CD36: variants seen among roughly 807,000 people sequenced by gnomAD.
CD36 encodes the protein CD36 molecule (CD36 blood group).
In CD36, 119 loss-of-function variants were observed where a neutral mutation model predicts 55.2. The observed-to-expected ratio is 2.15, with a 90% CI of 1.86 to 2.51. The LOEUF is 2.51. Among genes scored for constraint, CD36 ranks in the 30% most tolerant of loss-of-function variants. The probability of loss-of-function intolerance (pLI) is 0.00; values close to 1 mark genes in which losing one functional copy is unlikely to be tolerated. For missense variants in CD36, 819 were observed against 555.5 expected, an observed-to-expected ratio of 1.47 and a Z score of -4.77; for synonymous variants, 186 against 193.6, an observed-to-expected ratio of 0.96 and a Z score of 0.33.
intron 1 of CD36, among the ~76,000 whole-genome samples, chr7:80,622,142 A>T (rs1264827081): frequency 2.0e-5 from 3 of 152,066 alleles, no homozygotes; most frequent in African/African-American, 7.2e-5. Context: ...AGGTGGGGGG[A>T]CCACCCCTGC....
At chr7:80,624,349 C>T (rs757127869) in intron 1 of CD36, among the ~76,000 whole-genome samples, 14 of 151,864 alleles carry the variant, frequency 9.2e-5, no homozygotes, top group African/African-American at 2.9e-4. Flanking sequence ...TCTCTCAGGG[C>T]GTAGAATTTA....
rs541494694 is a variant in CD36, at chr7:80,648,856, AG to A, written c.120+1997del. On this transcript the variant is annotated intron_variant, in intron 3 of 14. Coordinates refer to ENST00000447544, the MANE Select transcript of CD36 (RefSeq NM_001001548.3). Reference sequence around the variant, plus strand: ...TAACCATATTAAAGGACTGATTGATAGTATGAAAAACCCTGTGAAAATGCTA... The same window carrying A: ...TAACCATATTAAAGGACTGATTGATATATGAAAAACCCTGTGAAAATGCTA... Among the ~76,000 whole-genome samples the A allele has an allele frequency of 3.2e-4, 48 of 152,250 alleles. 1 individual carries two copies. The South Asian group carries it at 9.9e-3, about 32-fold the overall frequency.
At chr7:80,637,042 A>AT (rs1425343338), upstream of CD36, 3 of 152,114 alleles carry the variant, frequency 2.0e-5, no homozygotes, top group East Asian at 1.9e-4. Context: ...TTTTGCATGT[A>AT]TTTTTTCTGA....
chr7:80,622,851 G>C (rs1793543689), intron 1 of CD36, among the ~76,000 whole-genome samples: 1 of 152,108 alleles, frequency 6.6e-6, no homozygotes, highest in South Asian at 2.1e-4. Context: ...AAACTACCTA[G>C]CAACACTTAA....
intron 7 of CD36, 96 bp from the exon 8 acceptor site, chr7:80,666,347 A>AAG (rs1202418341): frequency 1.2e-6 from 1 of 805,020 alleles, no homozygotes; most frequent in Non-Finnish European, 2.1e-6. Context: ...TAAATGCATC[A>AAG]TATTAACAGA....
intron 1 of CD36, among the ~76,000 whole-genome samples, chr7:80,604,068 T>C (rs188438897): frequency 2.3e-4 from 35 of 152,134 alleles, no homozygotes; most frequent in Non-Finnish European, 4.6e-4. Flanking sequence ...TTGTGAAGTG[T>C]GTGCAACGCG....
rs3823475 is a variant in CD36 at position 80,650,437 on chromosome 7, T to C, written c.120+3577T>C. Among the ~76,000 whole-genome samples the C allele has an allele frequency of 8.0e-3, 1,224 of 152,106 alleles. 62 individuals carry two copies. In the East Asian group the frequency reaches 0.1, roughly 13 times the overall value. On this transcript the variant is annotated intron_variant, in intron 3 of 14. Transcript: ENST00000447544. Reference sequence around the variant, plus strand: ...TCTTTGGCATAGAGTAGGAGTCAAATATTTGAATTTTGTGTAAACCTAGAG... The same window carrying C: ...TCTTTGGCATAGAGTAGGAGTCAAACATTTGAATTTTGTGTAAACCTAGAG...
At chr7:80,675,625 G>T (rs1014830494) in intron 14 of CD36, among the ~76,000 whole-genome samples, 1 of 151,862 alleles carries the variant, frequency 6.6e-6, no homozygotes, top group South Asian at 2.1e-4. Context: ...AGAATAAACT[G>T]TTGATTACTT....
chr7:80,644,286 A>G (rs1795003348), intron 1 of CD36, among the ~76,000 whole-genome samples: 1 of 152,230 alleles, frequency 6.6e-6, no homozygotes, highest in South Asian at 2.1e-4. Context: ...CTACTTGCTC[A>G]GTGAGACAGA....
intron 7 of CD36, chr7:80,666,233 T>C: frequency 2.0e-6 from 1 of 500,474 alleles, no homozygotes; most frequent in Non-Finnish European, 3.6e-6. Context: ...TTTTATTTTA[T>C]GATCTGGCTA....
rs923945704 is a variant in CD36 at position 80,665,072 on chromosome 7, T to C, written c.701+575T>C. 3.9e-5 allele frequency among the ~76,000 whole-genome samples: 6 copies of C among 152,184 alleles called. No homozygotes were observed. The East Asian group carries it at 1.2e-3, about 29-fold the overall frequency. ...ATTGATAACTCAGCTTTTTTAACTT[T>C]ATCAATGCAAAAATAGAATGAATAT... On this transcript the variant is annotated intron_variant, in intron 7 of 14. Transcript: ENST00000447544.
chr7:80,637,570 T>A (rs1451411233), upstream of CD36, among the ~76,000 whole-genome samples: 1 of 133,920 alleles, frequency 7.5e-6, no homozygotes, highest in African/African-American at 2.7e-5. Context: ...GTGTTTGGGG[T>A]TTTTTTTTTC....
intron 3 of CD36, 73 bp from the exon 4 acceptor site, chr7:80,656,467 G>C (rs1796077188): frequency 7.1e-7 from 1 of 1,407,638 alleles, no homozygotes; most frequent in Non-Finnish European, 1.0e-6. Flanking sequence ...CTGACTCAAG[G>C]CTGCAAACAA....
At chr7:80,614,659 C>T (rs1181323023) in intron 1 of CD36, among the ~76,000 whole-genome samples, 3 of 152,144 alleles carry the variant, frequency 2.0e-5, no homozygotes, top group African/African-American at 7.2e-5. Flanking sequence ...AGTACTTCCC[C>T]GATTCTGCCC....
intron 1 of CD36, among the ~76,000 whole-genome samples, chr7:80,621,390 A>G (rs1387332434): frequency 6.6e-6 from 1 of 152,096 alleles, no homozygotes; most frequent in African/African-American, 2.4e-5. Context: ...AACATTTTCT[A>G]GTGTTATCTC....
intron 1 of CD36, among the ~76,000 whole-genome samples, chr7:80,623,450 A>G (rs1793579378): frequency 6.6e-6 from 1 of 152,146 alleles, no homozygotes; most frequent in South Asian, 2.1e-4. Flanking sequence ...TGACTGCCTT[A>G]AGTGTTCTGG....
chr7:80,613,612 A>T (rs1792993619), intron 1 of CD36, among the ~76,000 whole-genome samples: 1 of 152,134 alleles, frequency 6.6e-6, no homozygotes, highest in African/African-American at 2.4e-5. Context: ...TAAGAAGTAA[A>T]AATCACAGTG....
intron 1 of CD36, among the ~76,000 whole-genome samples, chr7:80,603,072 G>A (rs1439902735): frequency 5.3e-5 from 8 of 151,998 alleles, no homozygotes; most frequent in Non-Finnish European, 1.2e-4. Flanking sequence ...TTATTTGTGG[G>A]GTGGGGGCAG....
chr7:80,614,206 C>T (rs758515176), intron 1 of CD36, among the ~76,000 whole-genome samples: 4 of 152,046 alleles, frequency 2.6e-5, no homozygotes, highest in Non-Finnish European at 5.9e-5. Context: ...TTTTTGTTTA[C>T]ATCGAATGTT....
Sources: allele counts gnomAD v4.1 joint callset (sites outside exome capture counted in the v4.1 genomes callset), GRCh38; gene constraint gnomAD v4.1.1; transcripts MANE v1.5; gene names NCBI Gene and HGNC (gene_info 2026-07-23, HGNC 2026-07-21).